Variants in PREX2 observed in about 807,000 individuals in gnomAD.
PREX2 encodes phosphatidylinositol-3,4,5-trisphosphate dependent Rac exchange factor 2, also known as phosphatidylinositol 3,4,5-trisphosphate-dependent Rac exchanger 2 protein.
Under a neutral mutation model 203.2 loss-of-function variants are expected in PREX2, and 107 were observed. That is an observed-to-expected ratio of 0.53 (90% CI 0.45 to 0.62). PREX2 has a LOEUF of 0.62. PREX2 is among the 20% of genes least tolerant of loss of function. The pLI is 0.00. For synonymous variants in PREX2, 672 were observed against 663.6 expected, an observed-to-expected ratio of 1.01 and a Z score of -0.19; for missense variants, 1,777 against 1,955.9, an observed-to-expected ratio of 0.91 and a Z score of 1.72.
At chr8:68,042,143 T>A (rs943934692) in intron 7 of PREX2, among the ~76,000 whole-genome samples, 1 of 152,004 alleles carries the variant, frequency 6.6e-6, no homozygotes, top group Non-Finnish European at 1.5e-5. Flanking sequence ...GATATAGAGA[T>A]CTTTCAGAAA....
chr8:68,198,623 A>G (rs1254449594), intron 37 of PREX2, among the ~76,000 whole-genome samples: 1 of 152,222 alleles, frequency 6.6e-6, no homozygotes, highest in East Asian at 1.9e-4. Context: ...TAAAGCCCGA[A>G]GCATGAGTCT....
At chr8:68,186,094 TTCAG>T (rs1812183762) in intron 35 of PREX2, among the ~76,000 whole-genome samples, 1 of 152,096 alleles carries the variant, frequency 6.6e-6, no homozygotes, top group African/African-American at 2.4e-5. Flanking sequence ...ACTGAAGTTC[TTCAG>T]ATACCTGTAA....
intron 1 of PREX2, among the ~76,000 whole-genome samples, chr8:67,962,672 T>A (rs1478949155): frequency 6.6e-6 from 1 of 151,940 alleles, no homozygotes; most frequent in African/African-American, 2.4e-5. Flanking sequence ...AGTGGCATGA[T>A]CTCGGCTCAC....
chr8:68,204,494 G>C (rs1053587200), intron 37 of PREX2, among the ~76,000 whole-genome samples: 1 of 151,838 alleles, frequency 6.6e-6, no homozygotes, highest in Non-Finnish European at 1.5e-5. Flanking sequence ...CCTTCAATTC[G>C]ATTGCTTTTT....
intron 10 of PREX2, among the ~76,000 whole-genome samples, chr8:68,060,317 C>T (rs1808809821): frequency 6.6e-6 from 1 of 152,152 alleles, no homozygotes; most frequent in African/African-American, 2.4e-5. Flanking sequence ...CTTTAGCTAT[C>T]TTTAGGATCT....
intron 30 of PREX2, 149 bp downstream of exon 30, chr8:68,121,198 A>G (rs1810766994): frequency 2.6e-6 from 2 of 778,310 alleles, no homozygotes; most frequent in Non-Finnish European, 4.2e-6. Context: ...TGAGGGAGGA[A>G]GAGGGCAAGA....
At chr8:67,953,181 C>G (rs1286479714) in intron 1 of PREX2, among the ~76,000 whole-genome samples, 3 of 125,660 alleles carry the variant, frequency 2.4e-5, no homozygotes, top group East Asian at 5.1e-4. Context: ...CTCCCCCCCG[C>G]CCCCCGCCCC....
In PREX2 at chr8:67,981,654, C is replaced by T. The variant is rs556150203; in HGVS notation, c.141+29119C>T. 3.8e-4 allele frequency among the ~76,000 whole-genome samples: 58 copies of T among 152,268 alleles called. 1 individual carries two copies. The Middle Eastern group carries it at 0.017, about 45-fold the overall frequency. ...GGTGGTGCTACCTTGTTAGGGATAC[C>T]GTGAGCTGTCAGAGTTTTACTTCAA... On this transcript the variant is annotated intron_variant, in intron 1 of 39. Transcript: ENST00000288368.
At chr8:68,182,264 T>C (rs1306279890) in intron 35 of PREX2, among the ~76,000 whole-genome samples, 3 of 152,130 alleles carry the variant, frequency 2.0e-5, no homozygotes, top group African/African-American at 7.2e-5. Context: ...TTTTGCTGTG[T>C]CATTTCTTGC....
At chr8:68,111,989 T>C (rs1350034961) in intron 25 of PREX2, among the ~76,000 whole-genome samples, 3 of 152,228 alleles carry the variant, frequency 2.0e-5, no homozygotes, top group Non-Finnish European at 4.4e-5. Context: ...TATTCATCCC[T>C]GTGAAAGGTC....
At chr8:68,002,570 T>A (rs1354549048) in intron 1 of PREX2, among the ~76,000 whole-genome samples, 1 of 152,214 alleles carries the variant, frequency 6.6e-6, no homozygotes, top group Admixed American at 6.5e-5. Flanking sequence ...GTGAACTTAT[T>A]GGTAATTTTT....
chr8:68,062,907 A>T (rs1234883985), intron 11 of PREX2, among the ~76,000 whole-genome samples: 1 of 152,196 alleles, frequency 6.6e-6, no homozygotes, highest in Non-Finnish European at 1.5e-5. Context: ...ACTTGTTATT[A>T]TATAGCAAAT....
chr8:68,015,790 CAG>C (rs1363694771), intron 1 of PREX2, among the ~76,000 whole-genome samples: 1 of 152,096 alleles, frequency 6.6e-6, no homozygotes, highest in African/African-American at 2.4e-5. Context: ...AAAAATTAAA[CAG>C]AATAATACTA....
At chr8:68,070,500 T>G (rs1809164447) in intron 13 of PREX2, among the ~76,000 whole-genome samples, 1 of 152,088 alleles carries the variant, frequency 6.6e-6, no homozygotes, top group African/African-American at 2.4e-5. Context: ...TTGAGGTTTG[T>G]ATTATGATTA....
intron 35 of PREX2, chr8:68,176,753 G>A (rs1298719603): frequency 6.6e-6 from 1 of 152,104 alleles, no homozygotes; most frequent in Non-Finnish European, 1.5e-5. Flanking sequence ...CTTATTCAGA[G>A]AACAAAATTA....
chr8:67,981,124 A>G (rs543964369), intron 1 of PREX2, among the ~76,000 whole-genome samples: 7 of 152,354 alleles, frequency 4.6e-5, no homozygotes, highest in Non-Finnish European at 5.9e-5. Context: ...GCATAAATAC[A>G]GTGTCCTATA....
intron 1 of PREX2, among the ~76,000 whole-genome samples, chr8:67,977,837 G>A (rs538289082): frequency 3.3e-5 from 5 of 152,162 alleles, no homozygotes; most frequent in Non-Finnish European, 7.3e-5. Flanking sequence ...AGGGTGGCAT[G>A]CCTAGAAAAG....
rs1478155605 is a variant in PREX2 at position 68,108,314 on chromosome 8, A to G, written c.2921A>G (p.Asn974Ser). Reference sequence around the variant, plus strand: ...AAGCATAATTCTCATGATAAAGAAAACAAATCTTCGGAGCAAGGTATGCTA... The same window carrying G: ...AAGCATAATTCTCATGATAAAGAAAGCAAATCTTCGGAGCAAGGTATGCTA... ...SRKHNSHDKE[N>S]KSSEQGKLSP... The change falls in exon 24 of 40, where the codon AAC (asparagine) becomes AGC (serine). Residue 974 changes from asparagine to serine, a missense_variant. Transcript: ENST00000288368. The G allele has an allele frequency of 4.8e-5, 77 of 1,613,364 alleles. No homozygotes were observed. The highest frequency in any genetic ancestry group is 6.4e-5 in the Non-Finnish European group (75 of 1,179,598).
At chr8:68,204,511 AAGAT>A (rs1812570093) in intron 37 of PREX2, among the ~76,000 whole-genome samples, 1 of 151,994 alleles carries the variant, frequency 6.6e-6, no homozygotes, top group Non-Finnish European at 1.5e-5. Context: ...TTTTTGCCCT[AAGAT>A]AGATGGAGTG....
Sources: gnomAD v4.1 joint callset for allele counts (sites outside exome capture counted in the v4.1 genomes callset) on GRCh38, gnomAD v4.1.1 for gene constraint, MANE v1.5 for transcripts, NCBI Gene and HGNC (gene_info 2026-07-23, HGNC 2026-07-21) for gene names.